CLDN16: variants seen among roughly 807,000 people sequenced by gnomAD.
CLDN16 encodes the protein claudin-16.
CLDN16 carries 13 observed loss-of-function variants against 24.6 expected under a neutral mutation model. The ratio of observed to expected loss-of-function variants is 0.53; its 90% CI spans 0.34 to 0.84. The LOEUF is 0.84. Among genes scored for constraint, CLDN16 ranks in the 40% least tolerant of loss-of-function variants. CLDN16 has a pLI of 0.01. For missense variants in CLDN16, 298 were observed against 292.7 expected (o/e 1.02, Z -0.13); for synonymous variants, 116 against 106.7 (o/e 1.09, Z -0.54).
chr3:190,363,658 T>A (rs60804857), intron 1 of CLDN16, among the ~76,000 whole-genome samples: 25,369 of 145,296 alleles, frequency 0.17, 2,672 homozygotes, highest in East Asian at 0.49. Flanking sequence ...TTGCAAGAGT[T>A]GAGTTGAGCT....
chr3:190,335,023 CTTTTTTTT>C (rs57744577), intron 1 of CLDN16, among the ~76,000 whole-genome samples: 11 of 134,348 alleles, frequency 8.2e-5, no homozygotes, highest in South Asian at 7.3e-4. Flanking sequence ...TTTCTTTTTT[CTTTTTTTT>C]TTTTTTTGTT....
intron 1 of CLDN16, among the ~76,000 whole-genome samples, chr3:190,338,108 G>A (rs1298580077): frequency 6.6e-6 from 1 of 152,100 alleles, no homozygotes; most frequent in African/African-American, 2.4e-5. Flanking sequence ...ACCAAAAGAC[G>A]GAGGAAATAG....
At chr3:190,351,190 C>T (rs1258713721) in intron 1 of CLDN16, among the ~76,000 whole-genome samples, 1 of 152,012 alleles carries the variant, frequency 6.6e-6, no homozygotes, top group Non-Finnish European at 1.5e-5. Flanking sequence ...TGGAAGCTTC[C>T]TGAGTCCCTC....
the CLDN16 span, among the ~76,000 whole-genome samples, chr3:190,297,622 A>ATC: frequency 9.1e-6 from 1 of 110,322 alleles, no homozygotes; most frequent in Non-Finnish European, 2.0e-5. Flanking sequence ...TATCTATAAT[A>ATC]TAATATATAA....
At position 190,330,044 on chromosome 3, in the gene CLDN16, T is replaced by G. The variant is rs6765290; in HGVS notation, n.121+7383T>G. Among the ~76,000 whole-genome samples, 174 of 147,208 alleles carry G rather than the reference T, an allele frequency of 1.2e-3. 1 individual carries two copies. Among genetic ancestry groups the G allele is most frequent in the African/African-American group, 3.4e-3 (139 of 40,524 alleles). On this transcript the variant is annotated intron_variant and non_coding_transcript_variant, in intron 1 of 4. Transcript: ENST00000468220. ...GAAGAAATATCTCAACCGTCCCCCC[T>G]CCACCAGCATCACTTAATCATATAC...
At chr3:190,364,828 C>CTT (rs796856226) in intron 1 of CLDN16, among the ~76,000 whole-genome samples, 1 of 146,792 alleles carries the variant, frequency 6.8e-6, no homozygotes. Flanking sequence ...TGAGCGTTGT[C>CTT]TTTTTTTTTT....
the CLDN16 span, chr3:190,312,834 A>C: frequency 6.2e-7 from 1 of 1,606,860 alleles, no homozygotes; most frequent in Non-Finnish European, 8.5e-7. Flanking sequence ...TACCAGGAAC[A>C]GGTTAGTAAG....
In CLDN16 at chr3:190,339,802, T is replaced by G. The variant is rs1248530100; in HGVS notation, n.121+17141T>G. On this transcript the variant is annotated intron_variant and non_coding_transcript_variant, in intron 1 of 4. Transcript: ENST00000468220. ...TAGTGAATAATGACTATCTTGGTAG[T>G]TGTTATAAAAGTCAAAAAATAAATA... 6.4e-4 allele frequency among the ~76,000 whole-genome samples: 97 copies of G among 152,300 alleles called. 1 individual carries two copies. Among genetic ancestry groups the G allele is most frequent in the Non-Finnish European group, 1.0e-4 (7 of 68,016 alleles).
At position 190,410,073 on chromosome 3, in the gene CLDN16, T is replaced by C. The variant is rs1719236167; in HGVS notation, c.*37T>C. Reference sequence around the variant, plus strand: ...CAGGGTGTGTTTGCATATGATTTAATCAATCAGTATGGTTACATTGATAAA... The same window carrying C: ...CAGGGTGTGTTTGCATATGATTTAACCAATCAGTATGGTTACATTGATAAA... On this transcript the variant is annotated 3_prime_UTR_variant, in exon 5 of 5. Transcript: ENST00000264734. 6.2e-7 allele frequency: 1 copy of C among 1,608,596 alleles called. No individual in the cohort carries two copies. The highest frequency in any genetic ancestry group is 8.5e-7 in the Non-Finnish European group (1 of 1,174,960).
At chr3:190,377,724 G>A (rs115418735) in intron 3 of CLDN16, among the ~76,000 whole-genome samples, 1 of 152,000 alleles carries the variant, frequency 6.6e-6, no homozygotes, top group African/African-American at 2.4e-5. Context: ...AGATGTGTGT[G>A]TAAATTCTGC....
chr3:190,371,016 T>TTATTTATATATATATATATATATATA (rs1335823851), intron 2 of CLDN16: 14 of 13,864 alleles, frequency 1.0e-3, no homozygotes, highest in African/African-American at 1.9e-3. Context: ...GTTAATACCT[T>TTATTTATATATATATATATATATATA]TATATATATA....
At chr3:190,309,701 T>G in the CLDN16 span, among the ~76,000 whole-genome samples, 3 of 152,316 alleles carry the variant, frequency 2.0e-5, no homozygotes, top group South Asian at 6.2e-4. Context: ...ACTAAAAACA[T>G]ACATAATAGC....
At chr3:190,383,859 C>G (rs1273716729), upstream of CLDN16, among the ~76,000 whole-genome samples, 1 of 152,116 alleles carries the variant, frequency 6.6e-6, no homozygotes, top group Non-Finnish European at 1.5e-5. Context: ...ATATATAAAA[C>G]AGCAAACTTA....
At chr3:190,363,325 C>T (rs905735860) in intron 1 of CLDN16, among the ~76,000 whole-genome samples, 18 of 151,476 alleles carry the variant, frequency 1.2e-4, no homozygotes, top group African/African-American at 4.4e-4. Context: ...TCTCTTTAAA[C>T]TGGTCCATTT....
At chr3:190,340,671 C>G (rs1027484750) in intron 1 of CLDN16, among the ~76,000 whole-genome samples, 2 of 152,088 alleles carry the variant, frequency 1.3e-5, no homozygotes, top group Non-Finnish European at 2.9e-5. Flanking sequence ...ATTTCAAAAC[C>G]AATCATGCCT....
intron 1 of CLDN16, among the ~76,000 whole-genome samples, chr3:190,326,766 AT>A (rs1269968209): frequency 6.6e-6 from 1 of 152,106 alleles, no homozygotes; most frequent in Non-Finnish European, 1.5e-5. Flanking sequence ...TCTTCAGAGA[AT>A]TTGGGAGGGG....
the CLDN16 span, among the ~76,000 whole-genome samples, chr3:190,314,354 T>G: frequency 1.3e-5 from 2 of 152,158 alleles, no homozygotes; most frequent in East Asian, 3.9e-4. Flanking sequence ...TTTTCTGTCT[T>G]TGCTATAACC....
the CLDN16 span, among the ~76,000 whole-genome samples, chr3:190,302,410 G>T: frequency 6.6e-6 from 1 of 152,240 alleles, no homozygotes; most frequent in African/African-American, 2.4e-5. Context: ...TGGCTGCTGG[G>T]TTGCACAACT....
At chr3:190,348,815 C>T (rs1321646128) in intron 1 of CLDN16, among the ~76,000 whole-genome samples, 2 of 152,120 alleles carry the variant, frequency 1.3e-5, no homozygotes, top group Admixed American at 6.5e-5. Context: ...CTTTCTCTTA[C>T]CTCCCTCCAC....
Sources: allele counts gnomAD v4.1 joint callset (sites outside exome capture counted in the v4.1 genomes callset), GRCh38; gene constraint gnomAD v4.1.1; transcripts MANE v1.5; gene names NCBI Gene and HGNC (gene_info 2026-07-23, HGNC 2026-07-21).